Variants in CLIP1 observed in about 807,000 individuals in gnomAD.
The protein encoded by CLIP1 is CAP-Gly domain containing linker protein 1.
In CLIP1, 66 loss-of-function variants were observed where a neutral mutation model predicts 161.6. The ratio of observed to expected loss-of-function variants is 0.41; its 90% CI spans 0.33 to 0.50. The LOEUF is 0.50. CLIP1 is among the 20% of genes least tolerant of loss of function. The pLI is 0.27. For missense variants in CLIP1, 1,376 were observed against 1,702.0 expected (o/e 0.81, Z 3.37); for synonymous variants, 598 against 626.2 (o/e 0.96, Z 0.67).
intron 1 of CLIP1, among the ~76,000 whole-genome samples, chr12:122,389,047 G>C (rs1373483655): frequency 1.3e-5 from 2 of 152,184 alleles, no homozygotes; most frequent in African/African-American, 4.8e-5. Context: ...TGCTTCGAAT[G>C]TCCTTTCCAA....
intron 1 of CLIP1, among the ~76,000 whole-genome samples, chr12:122,391,325 C>T (rs962241708): frequency 3.3e-5 from 5 of 152,076 alleles, no homozygotes; most frequent in African/African-American, 1.2e-4. Context: ...GTGGCTCACG[C>T]CTGTAATCCC....
intron 3 of CLIP1, among the ~76,000 whole-genome samples, chr12:122,368,038 G>A (rs1000184726): frequency 2.0e-5 from 3 of 152,024 alleles, no homozygotes; most frequent in Non-Finnish European, 2.9e-5. Flanking sequence ...AGCCCAATTC[G>A]TTCTCTTTAC....
intron 20 of CLIP1, among the ~76,000 whole-genome samples, chr12:122,302,849 G>T (rs1208712335): frequency 6.6e-6 from 1 of 152,018 alleles, no homozygotes; most frequent in Non-Finnish European, 1.5e-5. Flanking sequence ...TGCCCACCTC[G>T]GCCTCACACA....
chr12:122,329,743 G>A (rs142904650), intron 15 of CLIP1, among the ~76,000 whole-genome samples: 4,803 of 152,058 alleles, frequency 0.032, 130 homozygotes, highest in Admixed American at 0.075. Flanking sequence ...TGCTTCTGGA[G>A]GACAGCAGAT....
chr12:122,282,078 A>G (rs192608880), intron 21 of CLIP1, among the ~76,000 whole-genome samples: 114 of 152,312 alleles, frequency 7.5e-4, no homozygotes, highest in Middle Eastern at 3.4e-3. Flanking sequence ...CTTTCTAAGG[A>G]GATCGCTGCC....
At chr12:122,377,228 T>G (rs1954782092) in intron 3 of CLIP1, among the ~76,000 whole-genome samples, 161 bp downstream of exon 3, 1 of 152,032 alleles carries the variant, frequency 6.6e-6, no homozygotes, top group Non-Finnish European at 1.5e-5. Context: ...CAGGCTGGTC[T>G]TGAACTCCTG....
At chr12:122,403,499 G>GTTTTTTTTTTTTTTTTTTTTTT (rs11302150) in intron 1 of CLIP1, among the ~76,000 whole-genome samples, 1 of 72,304 alleles carries the variant, frequency 1.4e-5, no homozygotes, top group Non-Finnish European at 2.9e-5. Context: ...TTCTTGTTTT[G>GTTTTTTTTTTTTTTTTTTTTTT]TTTTTTTTTT....
intron 1 of CLIP1, among the ~76,000 whole-genome samples, chr12:122,404,908 AAAAC>A (rs1956272484): frequency 6.7e-6 from 1 of 149,464 alleles, no homozygotes; most frequent in African/African-American, 2.5e-5. Context: ...TCAAAAAAAA[AAAAC>A]AAAACAAAAA....
chr12:122,411,402 G>T (rs1359150748), intron 1 of CLIP1, among the ~76,000 whole-genome samples: 1 of 152,160 alleles, frequency 6.6e-6, no homozygotes, highest in African/African-American at 2.4e-5. Flanking sequence ...GGAGACAAGG[G>T]CGAAACTCCA....
intron 5 of CLIP1, among the ~76,000 whole-genome samples, chr12:122,358,624 G>C (rs1028391189): frequency 6.6e-6 from 1 of 151,598 alleles, no homozygotes; most frequent in South Asian, 2.1e-4. Context: ...TTTCTCATCT[G>C]TAAATTGGGT....
At chr12:122,312,420 C>T (rs2136535881) in intron 19 of CLIP1, among the ~76,000 whole-genome samples, 1 of 152,284 alleles carries the variant, frequency 6.6e-6, no homozygotes, top group Non-Finnish European at 1.5e-5. Flanking sequence ...GTTACAAGTG[C>T]TGGTTTCCAG....
chr12:122,412,381 G>A (rs11058040), intron 1 of CLIP1, among the ~76,000 whole-genome samples: 149,230 of 150,304 alleles, frequency 0.99, 74,088 homozygotes, highest in East Asian at 1. Flanking sequence ...GAGGCCAGGC[G>A]TGGTGGCTCA....
Position 122,361,046 on chromosome 12 carries a change from G to A in CLIP1, c.918C>T (p.Ser306=), listed in dbSNP as rs778995558. The A allele has an allele frequency of 1.5e-5, 25 of 1,614,118 alleles. No individual in the cohort carries two copies. The highest frequency in any genetic ancestry group is 1.9e-5 in the Non-Finnish European group (23 of 1,180,060). ...VRRVMATTSA[S]LKRSPSASSL... ...AAGAGGCAGAAGGGCTGCGCTTCAG[G>A]CTGGCGGACGTGGTCGCCATCACTC... The change falls in exon 5 of 26, where the codon AGC becomes AGT. Residue 306 remains serine (S), a synonymous_variant. Coordinates refer to ENST00000620786, the MANE Select transcript of CLIP1 (RefSeq NM_001247997.2).
intron 4 of CLIP1, among the ~76,000 whole-genome samples, chr12:122,363,101 T>C (rs1042899963): frequency 1.3e-5 from 2 of 152,218 alleles, no homozygotes; most frequent in Middle Eastern, 3.2e-3. Context: ...TAATGCATCA[T>C]AGACAACACC....
At chr12:122,335,461 T>C (rs1365276249) in intron 12 of CLIP1, among the ~76,000 whole-genome samples, 12 of 148,392 alleles carry the variant, frequency 8.1e-5, no homozygotes, top group Admixed American at 6.7e-4. Context: ...AGGCAAGGCA[T>C]CCTAAAAGCT....
chr12:122,302,840 G>A (rs1950740202), intron 20 of CLIP1, among the ~76,000 whole-genome samples: 1 of 152,076 alleles, frequency 6.6e-6, no homozygotes, highest in African/African-American at 2.4e-5. Flanking sequence ...CAAGTGATCT[G>A]CCCACCTCGG....
At chr12:122,297,483 A>G (rs2136380732) in intron 20 of CLIP1, among the ~76,000 whole-genome samples, 1 of 152,306 alleles carries the variant, frequency 6.6e-6, no homozygotes, top group East Asian at 1.9e-4. Flanking sequence ...CTCAATGGGT[A>G]TGAGTTAGTA....
intron 3 of CLIP1, 59 bp downstream of exon 3, chr12:122,377,330 A>T: frequency 6.8e-7 from 1 of 1,469,300 alleles, no homozygotes; most frequent in South Asian, 1.3e-5. Flanking sequence ...TATTTCAACC[A>T]CTCACTGGTG....
intron 2 of CLIP1, among the ~76,000 whole-genome samples, 193 bp downstream of exon 2, chr12:122,380,175 G>A (rs1012528447): frequency 1.3e-5 from 2 of 151,550 alleles, no homozygotes; most frequent in South Asian, 2.1e-4. Flanking sequence ...CCCAGGAGGC[G>A]GAGCCTGCAG....
Sources: gnomAD v4.1 joint callset for allele counts (sites outside exome capture counted in the v4.1 genomes callset) on GRCh38, gnomAD v4.1.1 for gene constraint, MANE v1.5 for transcripts, NCBI Gene and HGNC (gene_info 2026-07-23, HGNC 2026-07-21) for gene names.